PCDH15: variants seen among roughly 807,000 people sequenced by gnomAD.
PCDH15 encodes the protein protocadherin related 15.
Under a neutral mutation model 178.5 loss-of-function variants are expected in PCDH15, and 129 were observed. The ratio of observed to expected loss-of-function variants is 0.72; its 90% CI spans 0.63 to 0.84. The LOEUF (loss-of-function observed/expected upper bound fraction) is 0.84. Ranked by LOEUF, PCDH15 falls within the 40% of genes least tolerant of loss-of-function variation. PCDH15 has a pLI of 0.00. For missense variants in PCDH15, 2,230 were observed against 2,099.9 expected (o/e 1.06, Z -1.21); for synonymous variants, 800 against 732.0 (o/e 1.09, Z -1.50).
intron 2 of PCDH15, among the ~76,000 whole-genome samples, chr10:55,385,422 A>T (rs573512601): frequency 6.6e-6 from 1 of 152,030 alleles, no homozygotes; most frequent in South Asian, 2.1e-4. Context: ...ATCAGCTACC[A>T]TCTAACTGCC....
intron 21 of PCDH15, among the ~76,000 whole-genome samples, chr10:53,967,689 A>T (rs868064959): frequency 2.0e-5 from 3 of 152,324 alleles, no homozygotes; most frequent in Non-Finnish European, 2.9e-5. Flanking sequence ...AATACTTCAA[A>T]TAATCATATT....
chr10:54,020,109 CATATT>C (rs2092867562), intron 20 of PCDH15, 78 bp downstream of exon 20: 1 of 1,180,510 alleles, frequency 8.5e-7, no homozygotes, highest in African/African-American at 1.5e-5. Context: ...GTTATCAAAA[CATATT>C]ATAGGTATAA....
At chr10:55,074,599 G>C (rs774743806) in intron 2 of PCDH15, among the ~76,000 whole-genome samples, 1 of 152,080 alleles carries the variant, frequency 6.6e-6, no homozygotes, top group Non-Finnish European at 1.5e-5. Context: ...TAAGTTTCTT[G>C]TAGATTCTGG....
intron 23 of PCDH15, among the ~76,000 whole-genome samples, chr10:53,952,078 G>T (rs774308584): frequency 1.3e-5 from 2 of 152,232 alleles, no homozygotes; most frequent in African/African-American, 2.4e-5. Flanking sequence ...CAAAGACGGT[G>T]TCATAGCCCT....
chr10:54,974,055 T>TCACACA (rs1407322739), intron 2 of PCDH15, among the ~76,000 whole-genome samples: 4 of 147,720 alleles, frequency 2.7e-5, no homozygotes, highest in African/African-American at 1.0e-4. Flanking sequence ...TCTCTCTCTC[T>TCACACA]CTCACACACA....
At chr10:54,155,170 A>C (rs1024002069) in intron 13 of PCDH15, among the ~76,000 whole-genome samples, 3 of 152,230 alleles carry the variant, frequency 2.0e-5, no homozygotes, top group Non-Finnish European at 4.4e-5. Context: ...AAAAGGTGTT[A>C]AGGAGTGTGC....
intron 1 of PCDH15, among the ~76,000 whole-genome samples, chr10:54,747,668 T>A (rs1169041772): frequency 6.6e-6 from 1 of 152,184 alleles, no homozygotes; most frequent in African/African-American, 2.4e-5. Flanking sequence ...TATGGTAATA[T>A]TCTGGTCGAT....
chr10:55,464,597 A>C (rs1205804468), intron 2 of PCDH15, among the ~76,000 whole-genome samples: 1 of 150,426 alleles, frequency 6.6e-6, no homozygotes, highest in African/African-American at 2.4e-5. Context: ...AACACTGTAA[A>C]AATGGCCTAA....
At chr10:54,327,035 A>G (rs960809773) in intron 7 of PCDH15, among the ~76,000 whole-genome samples, 18 of 152,040 alleles carry the variant, frequency 1.2e-4, no homozygotes, top group African/African-American at 4.3e-4. Flanking sequence ...TTATCCCTGA[A>G]ATGCTAAAAA....
chr10:54,930,338 T>C (rs749290422), intron 2 of PCDH15, among the ~76,000 whole-genome samples: 9 of 152,170 alleles, frequency 5.9e-5, no homozygotes, highest in Non-Finnish European at 1.0e-4. Context: ...AGTGCTTCAC[T>C]GTAGGACCGG....
intron 11 of PCDH15, among the ~76,000 whole-genome samples, chr10:54,191,107 T>C (rs1371652102): frequency 1.3e-5 from 2 of 152,194 alleles, no homozygotes; most frequent in South Asian, 2.1e-4. Flanking sequence ...ATTCATTCAA[T>C]AGTGACTGAA....
At chr10:53,960,859 T>C (rs2088225420) in intron 22 of PCDH15, among the ~76,000 whole-genome samples, 1 of 152,216 alleles carries the variant, frequency 6.6e-6, no homozygotes, top group Admixed American at 6.5e-5. Context: ...AAAGACTTTA[T>C]TCACAGTGAC....
At chr10:55,366,956 G>C (rs1004650357) in intron 2 of PCDH15, among the ~76,000 whole-genome samples, 3 of 145,266 alleles carry the variant, frequency 2.1e-5, no homozygotes, top group Admixed American at 1.4e-4. Context: ...TCACTTGCTT[G>C]GTTCTATAGA....
intron 2 of PCDH15, among the ~76,000 whole-genome samples, chr10:54,548,038 T>C (rs1217545631): frequency 6.7e-6 from 1 of 149,148 alleles, no homozygotes; most frequent in East Asian, 2.0e-4. Context: ...CAACTTCTCA[T>C]GTGTTTAATG....
intron 2 of PCDH15, among the ~76,000 whole-genome samples, chr10:55,388,727 TA>T (rs1010124310): frequency 6.6e-6 from 1 of 152,070 alleles, no homozygotes; most frequent in African/African-American, 2.4e-5. Flanking sequence ...AAATGGAAGA[TA>T]AAAAATCCAC....
At chr10:54,449,181 A>T (rs2076318714) in intron 3 of PCDH15, among the ~76,000 whole-genome samples, 1 of 151,474 alleles carries the variant, frequency 6.6e-6, no homozygotes, top group Non-Finnish European at 1.5e-5. Flanking sequence ...AACTCCACTG[A>T]CTCTTCCTTA....
At chr10:54,534,684 G>A (rs1565529164) in intron 2 of PCDH15, among the ~76,000 whole-genome samples, 1 of 152,100 alleles carries the variant, frequency 6.6e-6, no homozygotes, top group Non-Finnish European at 1.5e-5. Context: ...AAGCAATTTG[G>A]CACCTCATTC....
At chr10:55,320,582 C>T (rs929622350), upstream of PCDH15, among the ~76,000 whole-genome samples, 1 of 152,106 alleles carries the variant, frequency 6.6e-6, no homozygotes, top group Non-Finnish European at 1.5e-5. Flanking sequence ...AAACCTTGGC[C>T]CTTCCAGTGC....
Position 54,617,438 on chromosome 10 carries a change from T to C in PCDH15, c.91+46734A>G, listed in dbSNP as rs551799305. On this transcript the variant is annotated intron_variant, in intron 2 of 37. Transcript: ENST00000644397. ...AGAAGTAAATTATGTTAATATACAA[T>C]AAAGAGAACATACACTTTTACTATA... 6.6e-5 allele frequency among the ~76,000 whole-genome samples: 10 copies of C among 152,194 alleles called. No individual in the cohort carries two copies. In the East Asian group the frequency reaches 1.9e-3, roughly 30 times the overall value.
Sources: gnomAD v4.1 joint callset for allele counts (sites outside exome capture counted in the v4.1 genomes callset) on GRCh38, gnomAD v4.1.1 for gene constraint, MANE v1.5 for transcripts, NCBI Gene and HGNC (gene_info 2026-07-23, HGNC 2026-07-21) for gene names.